The following RNF216 variants were observed in gnomAD, a reference collection of about 807,000 sequenced individuals.
RNF216 encodes ring finger protein 216, also known as E3 ubiquitin-protein ligase RNF216.
Under a neutral mutation model 110.8 loss-of-function variants are expected in RNF216, and 72 were observed. The ratio of observed to expected loss-of-function variants is 0.65; its 90% confidence interval spans 0.54 to 0.79. The LOEUF (loss-of-function observed/expected upper bound fraction) is 0.79, where lower values mean the gene tolerates loss of function less well. Among genes scored for constraint, RNF216 ranks in the 30% least tolerant of loss-of-function variants. The pLI, the probability that RNF216 is intolerant of heterozygous loss-of-function variation, is 0.00. For synonymous variants in RNF216, 495 were observed against 407.5 expected (o/e 1.21, Z -2.59); for missense variants, 1,342 against 1,141.2 (o/e 1.18, Z -2.54).
chr7:5,727,725 T>C (rs760168672), intron 7 of RNF216, among the ~76,000 whole-genome samples: 16 of 152,076 alleles, frequency 1.1e-4, no homozygotes, highest in Admixed American at 2.6e-4. Context: ...AGAGACCCTG[T>C]TTCTAAACAA....
At chr7:5,716,283 G>A (rs1252761138) in intron 10 of RNF216, among the ~76,000 whole-genome samples, 2 of 152,012 alleles carry the variant, frequency 1.3e-5, no homozygotes, top group African/African-American at 4.8e-5. Flanking sequence ...GTTGAGATGG[G>A]TGGATCACCT....
intron 2 of RNF216, among the ~76,000 whole-genome samples, chr7:5,759,546 G>A (rs917779100): frequency 5.3e-5 from 8 of 151,540 alleles, no homozygotes; most frequent in Non-Finnish European, 1.0e-4. Flanking sequence ...AATATATAAC[G>A]CATGTGTTGA....
chr7:5,765,337 A>T (rs1170856362), intron 1 of RNF216, among the ~76,000 whole-genome samples: 3 of 151,820 alleles, frequency 2.0e-5, no homozygotes, highest in Non-Finnish European at 4.4e-5. Context: ...GCAGGTGGGA[A>T]TCTGTAATCC....
intron 3 of RNF216, among the ~76,000 whole-genome samples, chr7:5,749,455 T>G (rs1795223277): frequency 6.6e-6 from 1 of 152,148 alleles, no homozygotes; most frequent in East Asian, 1.9e-4. Context: ...CGGGCCTATA[T>G]GGATGTTTTT....
At position 5,671,914 on chromosome 7, in the gene RNF216, G is replaced by A. The variant is rs114421935; in HGVS notation, c.2062-19404C>T. 7.6e-3 allele frequency among the ~76,000 whole-genome samples: 1,160 copies of A among 151,980 alleles called. 17 individuals carry two copies. The highest frequency in any genetic ancestry group is 0.027 in the African/African-American group (1,115 of 41,408). On this transcript the variant is annotated intron_variant, in intron 13 of 16. Transcript: ENST00000389902. ...GACAGTCCTCTGCAAGCCAAGGAGA[G>A]GGGCCTCACAAGAAACGAAATCTGC... is the stretch of plus-strand genomic sequence containing the variant.
chr7:5,745,249 T>C (rs1794971041), intron 3 of RNF216, among the ~76,000 whole-genome samples: 1 of 152,176 alleles, frequency 6.6e-6, no homozygotes, highest in South Asian at 2.1e-4. Context: ...ACAATCTCTG[T>C]AAGATGCTGA....
At chr7:5,747,691 A>G (rs1285508138) in intron 3 of RNF216, among the ~76,000 whole-genome samples, 2 of 117,716 alleles carry the variant, frequency 1.7e-5, no homozygotes, top group East Asian at 6.0e-4. Flanking sequence ...TGCATGTTGC[A>G]GTGAGTCAAG....
intron 3 of RNF216, among the ~76,000 whole-genome samples, chr7:5,743,853 C>T (rs772655188): frequency 3.9e-5 from 6 of 152,142 alleles, no homozygotes; most frequent in South Asian, 2.1e-4. Flanking sequence ...GGAACTGAAT[C>T]GCAGCGTGGA....
chr7:5,752,730 C>T, intron 3 of RNF216, 116 bp downstream of exon 3: 3 of 946,674 alleles, frequency 3.2e-6, no homozygotes, highest in Non-Finnish European at 4.7e-6. Context: ...GGAAAAGGGG[C>T]TGTTCTCAGA....
chr7:5,686,224 T>TTAA (rs963358016), intron 13 of RNF216, among the ~76,000 whole-genome samples: 1 of 111,626 alleles, frequency 9.0e-6, no homozygotes, highest in African/African-American at 3.6e-5. Context: ...ACTCTGTTAT[T>TTAA]AAAAAAAAAA....
intron 13 of RNF216, among the ~76,000 whole-genome samples, chr7:5,704,559 T>G (rs1792168995): frequency 6.6e-6 from 1 of 152,260 alleles, no homozygotes; most frequent in Non-Finnish European, 1.5e-5. Flanking sequence ...AAAAGAACTG[T>G]GTCAATTCTG....
At chr7:5,644,814 ATTTTCTTT>A (rs1448072763) in intron 14 of RNF216, among the ~76,000 whole-genome samples, 9 of 137,068 alleles carry the variant, frequency 6.6e-5, no homozygotes, top group Admixed American at 1.5e-4. Context: ...CTGTTTGCCT[ATTTTCTTT>A]TTTTCTTTTT....
At chr7:5,767,691 T>G (rs967798927) in intron 1 of RNF216, among the ~76,000 whole-genome samples, 1 of 151,784 alleles carries the variant, frequency 6.6e-6, no homozygotes, top group African/African-American at 2.4e-5. Flanking sequence ...CTCTGCCTCC[T>G]GGGTTCAAGC....
At chr7:5,746,769 A>G (rs1562456528) in intron 3 of RNF216, among the ~76,000 whole-genome samples, 1 of 152,182 alleles carries the variant, frequency 6.6e-6, no homozygotes, top group African/African-American at 2.4e-5. Context: ...AAATAGTTAC[A>G]CAAGTGGCAA....
chr7:5,716,688 GAATA>G, intron 10 of RNF216, 24 bp downstream of exon 10: 1 of 1,561,244 alleles, frequency 6.4e-7, no homozygotes, highest in Non-Finnish European at 8.7e-7. Flanking sequence ...AAAATGCCCA[GAATA>G]AACAAGGTGA....
chr7:5,639,936 T>A (rs1787631979), intron 15 of RNF216, among the ~76,000 whole-genome samples: 1 of 151,992 alleles, frequency 6.6e-6, no homozygotes, highest in Admixed American at 6.6e-5. Flanking sequence ...ATTTTTTGTA[T>A]TTTTAGTAGA....
intron 8 of RNF216, among the ~76,000 whole-genome samples, chr7:5,723,009 G>A (rs557754686): frequency 1.3e-5 from 2 of 152,198 alleles, no homozygotes; most frequent in South Asian, 2.1e-4. Flanking sequence ...AGAAAAGCAC[G>A]TGGTTAGACA....
At chr7:5,675,898 G>C (rs1248926867) in intron 13 of RNF216, among the ~76,000 whole-genome samples, 1 of 151,848 alleles carries the variant, frequency 6.6e-6, no homozygotes, top group Non-Finnish European at 1.5e-5. Context: ...TAGTAGAGAC[G>C]GGGTTTCTCT....
intron 3 of RNF216, among the ~76,000 whole-genome samples, chr7:5,746,916 T>G (rs559172743): frequency 7.4e-4 from 112 of 152,350 alleles, no homozygotes; most frequent in African/African-American, 2.4e-3. Context: ...CTTACTGGCA[T>G]TCAGAAGCCT....
Sources: allele counts gnomAD v4.1 joint callset (sites outside exome capture counted in the v4.1 genomes callset), GRCh38; gene constraint gnomAD v4.1.1; transcripts MANE v1.5; gene names NCBI Gene and HGNC (gene_info 2026-07-23, HGNC 2026-07-21).